DNAAF11: variants seen among roughly 807,000 people sequenced by gnomAD.
The protein encoded by DNAAF11 is leucine rich repeat containing 6.
In DNAAF11, 45 loss-of-function variants were observed where a neutral mutation model predicts 60.8. The ratio of observed to expected loss-of-function variants is 0.74; its 90% CI spans 0.58 to 0.95. DNAAF11 has a LOEUF of 0.95. DNAAF11 is among the 40% of genes least tolerant of loss of function. DNAAF11 has a pLI of 0.00. For missense variants in DNAAF11, 546 were observed against 546.2 expected, an observed-to-expected ratio of 1.00 and a Z score of 0.00; for synonymous variants, 191 against 183.5, an observed-to-expected ratio of 1.04 and a Z score of -0.33.
chr8:132,652,146 G>A (rs566287455), intron 3 of DNAAF11, among the ~76,000 whole-genome samples: 3 of 152,240 alleles, frequency 2.0e-5, no homozygotes, highest in African/African-American at 7.2e-5. Flanking sequence ...GGTGGGGAGA[G>A]CAGCTTGTCT....
intron 4 of DNAAF11, among the ~76,000 whole-genome samples, 176 bp from the exon 5 acceptor site, chr8:132,633,139 TAC>T (rs771376980): frequency 4.6e-5 from 7 of 152,170 alleles, no homozygotes; most frequent in Admixed American, 1.3e-4. Flanking sequence ...TCATATAATT[TAC>T]ACAGTTTAAA....
intron 3 of DNAAF11, among the ~76,000 whole-genome samples, chr8:132,638,977 C>T (rs1385663916): frequency 1.3e-5 from 2 of 152,202 alleles, no homozygotes; most frequent in African/African-American, 2.4e-5. Context: ...TCAGCCTGCT[C>T]ATCTATAGAA....
intron 7 of DNAAF11, among the ~76,000 whole-genome samples, chr8:132,619,558 G>T (rs1393615948): frequency 2.0e-5 from 3 of 152,270 alleles, no homozygotes; most frequent in Middle Eastern, 3.4e-3. Flanking sequence ...AAATAATATG[G>T]CTAAGGAAAT....
intron 10 of DNAAF11, among the ~76,000 whole-genome samples, chr8:132,586,229 AG>A (rs1815876398): frequency 6.6e-6 from 1 of 152,204 alleles, no homozygotes; most frequent in Non-Finnish European, 1.5e-5. Flanking sequence ...CATGTGCAGC[AG>A]TGCTGTCCAG....
At chr8:132,582,613 C>T (rs1463095988) in intron 11 of DNAAF11, among the ~76,000 whole-genome samples, 6 of 152,174 alleles carry the variant, frequency 3.9e-5, no homozygotes, top group African/African-American at 9.7e-5. Context: ...TTAAAAACAG[C>T]AACCCATTTT....
chr8:132,654,968 A>G lies in DNAAF11; in HGVS notation c.256+1862T>C, dbSNP rs532664403. Reference sequence around the variant, plus strand: ...ACAATAGACAAAATCAACAAAATCAAAAGTTGGTTCTTTGAAAAGATTGAC... The same window carrying G: ...ACAATAGACAAAATCAACAAAATCAGAAGTTGGTTCTTTGAAAAGATTGAC... On this transcript the variant is annotated intron_variant, in intron 3 of 11. Transcript: ENST00000620350. 1.1e-4 allele frequency among the ~76,000 whole-genome samples: 16 copies of G among 152,126 alleles called. No homozygotes were observed. The South Asian group carries it at 1.9e-3, about 18-fold the overall frequency.
At chr8:132,620,755 G>A (rs541959428) in intron 7 of DNAAF11, among the ~76,000 whole-genome samples, 1 of 152,336 alleles carries the variant, frequency 6.6e-6, no homozygotes, top group African/African-American at 2.4e-5. Flanking sequence ...GGGGCACGTG[G>A]TTGTTTGAGT....
At chr8:132,601,835 TG>T (rs1462866808) in intron 10 of DNAAF11, among the ~76,000 whole-genome samples, 1 of 152,136 alleles carries the variant, frequency 6.6e-6, no homozygotes, top group African/African-American at 2.4e-5. Flanking sequence ...GATGAGTTAA[TG>T]GGTGCAGCAC....
chr8:132,601,012 G>A lies in DNAAF11; in HGVS notation c.1140+9154C>T, dbSNP rs138346652. On this transcript the variant is annotated intron_variant, in intron 10 of 11. Coordinates refer to ENST00000620350, the MANE Select transcript of DNAAF11 (RefSeq NM_012472.6). ...ACCTACAGAATGGGAAAAAAGTTTT[G>A]CAATCTACTTATCTGACAAAGGGCT... Among the ~76,000 whole-genome samples the A allele has an allele frequency of 4.9e-4, 75 of 152,276 alleles. No homozygotes were observed. The East Asian group carries it at 0.01, about 21-fold the overall frequency.
At chr8:132,585,792 A>G (rs1158351771) in intron 10 of DNAAF11, among the ~76,000 whole-genome samples, 2 of 152,226 alleles carry the variant, frequency 1.3e-5, no homozygotes, top group Non-Finnish European at 2.9e-5. Flanking sequence ...CTAGGTTTTA[A>G]AATAGACAAT....
intron 3 of DNAAF11, among the ~76,000 whole-genome samples, chr8:132,638,803 A>G (rs1265360091): frequency 1.3e-5 from 2 of 152,254 alleles, no homozygotes; most frequent in Non-Finnish European, 2.9e-5. Flanking sequence ...CAGATGCTAT[A>G]GAAACTTGAA....
At chr8:132,696,683 T>C in the DNAAF11 span, among the ~76,000 whole-genome samples, 2 of 152,196 alleles carry the variant, frequency 1.3e-5, no homozygotes, top group Non-Finnish European at 2.9e-5. Context: ...ATGTGGTGCA[T>C]ATACACCATG....
At chr8:132,691,871 G>T in the DNAAF11 span, among the ~76,000 whole-genome samples, 1 of 152,158 alleles carries the variant, frequency 6.6e-6, no homozygotes, top group Non-Finnish European at 1.5e-5. Flanking sequence ...GGAGGATTAT[G>T]AACAAGGGGG....
chr8:132,579,641 G>A (rs1286179544), intron 11 of DNAAF11, among the ~76,000 whole-genome samples: 3 of 152,110 alleles, frequency 2.0e-5, no homozygotes, highest in African/African-American at 4.8e-5. Context: ...AAGAAAGTGG[G>A]GGGAAAGGGT....
upstream of DNAAF11, among the ~76,000 whole-genome samples, chr8:132,680,525 T>A (rs1452840806): frequency 6.6e-6 from 1 of 152,132 alleles, no homozygotes; most frequent in African/African-American, 2.4e-5. Context: ...TTTTATGATA[T>A]GTAACCAATA....
In DNAAF11 at chr8:132,670,527, A is replaced by T. The variant is rs576120792; in HGVS notation, c.10+4957T>A. On this transcript the variant is annotated intron_variant, in intron 1 of 11. Transcript: ENST00000620350. ...ATGGCACAGATGTCTCCTTTGATTA[A>T]TTCTACCAAAAACTTAAGGGAAAAT... Among the ~76,000 whole-genome samples the T allele has an allele frequency of 2.6e-5, 4 of 152,306 alleles. No homozygotes were observed. In the South Asian group the frequency reaches 6.2e-4, roughly 24 times the overall value.
chr8:132,661,526 G>C lies in DNAAF11; in HGVS notation c.112C>G (p.His38Asp). ...AAATCCCGGCACCATTTATCAATGT[G>C]TTCTAGTCTTTCTATTTCTTGCTGA... Reference protein sequence around the residue: ...LHQQEIERLEHIDKWCRDLKI... With the variant: ...LHQQEIERLEDIDKWCRDLKI... The change falls in exon 2 of 12, where the codon CAC (histidine) becomes GAC (aspartate). Residue 38 changes from histidine (H) to aspartate (D), a missense_variant. His to Asp is a moderately conservative substitution (Grantham distance 81, BLOSUM62 -1). Coordinates refer to ENST00000620350, the MANE Select transcript of DNAAF11 (RefSeq NM_012472.6). The C allele has an allele frequency of 6.2e-7, 1 of 1,613,578 alleles. No individual in the cohort carries two copies. Among genetic ancestry groups the C allele is most frequent in the South Asian group, 1.1e-5 (1 of 91,062 alleles).
At position 132,600,392 on chromosome 8, in the gene DNAAF11, T is replaced by C. The variant is rs537075632; in HGVS notation, c.1140+9774A>G. On this transcript the variant is annotated intron_variant, in intron 10 of 11. Transcript: ENST00000620350. ...AATGCCATCCCCATCAAGCTACCAA[T>C]GACTTTCTTCACAGAATTGGAAAAA... Among the ~76,000 whole-genome samples the C allele has an allele frequency of 4.2e-3, 642 of 152,256 alleles. 6 individuals are homozygous for C. Among genetic ancestry groups the C allele is most frequent in the African/African-American group, 0.015 (612 of 41,542 alleles).
chr8:132,687,520 TCAGA>T, the DNAAF11 span: 1 of 443,198 alleles, frequency 2.3e-6, no homozygotes, highest in South Asian at 1.6e-5. Context: ...TCTCATCGCT[TCAGA>T]CAGACAGCTG....
Sources: allele counts gnomAD v4.1 joint callset (sites outside exome capture counted in the v4.1 genomes callset), GRCh38; gene constraint gnomAD v4.1.1; transcripts MANE v1.5; gene names NCBI Gene and HGNC (gene_info 2026-07-23, HGNC 2026-07-21).